Variants in PHF3 observed in about 807,000 individuals in gnomAD.
The protein encoded by PHF3 is PHD finger protein 3.
In PHF3, 41 loss-of-function variants were observed where a neutral mutation model predicts 178.4. That is an observed-to-expected ratio of 0.23 (90% CI 0.18 to 0.30). The LOEUF (loss-of-function observed/expected upper bound fraction) is 0.30. Ranked by LOEUF, PHF3 falls within the 10% of genes least tolerant of loss-of-function variation. The pLI, the probability that PHF3 is intolerant of heterozygous loss-of-function variation, is 1.00. For synonymous variants in PHF3, 842 were observed against 800.5 expected, an observed-to-expected ratio of 1.05 and a Z score of -0.88; for missense variants, 2,346 against 2,398.1, an observed-to-expected ratio of 0.98 and a Z score of 0.45.
chr6:63,702,738 T>TA, intron 10 of PHF3, 99 bp downstream of exon 10: 1 of 1,181,248 alleles, frequency 8.5e-7, no homozygotes, highest in Non-Finnish European at 1.2e-6. Flanking sequence ...AATTTTAAAA[T>TA]ATGCATCCAT....
At chr6:63,649,847 T>C (rs1764948402) in intron 2 of PHF3, among the ~76,000 whole-genome samples, 1 of 152,216 alleles carries the variant, frequency 6.6e-6, no homozygotes, top group Non-Finnish European at 1.5e-5. Flanking sequence ...AAGAGTATTT[T>C]CCCAAGTAAC....
chr6:63,641,843 G>A (rs866971384), intron 1 of PHF3, among the ~76,000 whole-genome samples: 2 of 151,964 alleles, frequency 1.3e-5, no homozygotes, highest in Admixed American at 6.6e-5. Flanking sequence ...GGTCAGGCTG[G>A]TCTCGAACTC....
At position 63,722,149 on chromosome 6, in the gene PHF3, C is replaced by G. The variant is rs762276771; in HGVS notation, c.*8441C>G. On this transcript the variant is annotated 3_prime_UTR_variant, in exon 16 of 16. Coordinates refer to ENST00000262043, the MANE Select transcript of PHF3 (RefSeq NM_001370348.2). ...TTGTCAGGCTAGGTACCTATAAATT[C>G]TCTGCACATTCCTGGCTCCTTTCCT... 1.3e-5 allele frequency among the ~76,000 whole-genome samples: 2 copies of G among 152,108 alleles called. No homozygotes were observed. Among genetic ancestry groups the G allele is most frequent in the African/African-American group, 2.4e-5 (1 of 41,416 alleles).
chr6:63,675,274 G>C (rs1766116228), intron 2 of PHF3, among the ~76,000 whole-genome samples: 1 of 152,130 alleles, frequency 6.6e-6, no homozygotes. Flanking sequence ...ACACAAAAAG[G>C]AAAATTACAA....
At position 63,720,587 on chromosome 6, in the gene PHF3, A is replaced by T; in HGVS notation, c.*6879A>T. The T allele has an allele frequency of 6.9e-7, 1 of 1,450,900 alleles. No homozygotes were observed. Among genetic ancestry groups the T allele is most frequent in the Non-Finnish European group, 9.1e-7 (1 of 1,093,438 alleles). The allele number at this position is 1,450,900 out of a possible 1,614,324, so 89.9% of individuals were successfully genotyped here. ...ATGTATAGTGTGTACTAAAATCTCT[A>T]GTGTTAACTTATGTAACCTCATTTT... On this transcript the variant is annotated 3_prime_UTR_variant, in exon 16 of 16. Coordinates refer to ENST00000262043, the MANE Select transcript of PHF3 (RefSeq NM_001370348.2).
At chr6:63,659,227 A>C (rs1765365659) in intron 2 of PHF3, among the ~76,000 whole-genome samples, 1 of 152,184 alleles carries the variant, frequency 6.6e-6, no homozygotes, top group Non-Finnish European at 1.5e-5. Context: ...ATATATCAAA[A>C]TATGTTGTAC....
chr6:63,640,867 G>A (rs1764542321), intron 1 of PHF3, among the ~76,000 whole-genome samples: 1 of 152,168 alleles, frequency 6.6e-6, no homozygotes, highest in African/African-American at 2.4e-5. Context: ...GTGTGTGTGT[G>A]GGGCTGTCCT....
Position 63,721,779 on chromosome 6 carries a change from G to A in PHF3, c.*8071G>A. The A allele has an allele frequency of 6.5e-7, 1 of 1,543,396 alleles. No homozygotes were observed. On this transcript the variant is annotated 3_prime_UTR_variant, in exon 16 of 16. Transcript: ENST00000262043. ...AAGTTGAACGGAACTATTTACTAAA[G>A]AGATGCATAAAAAATCACCTGCAAG...
intron 4 of PHF3, among the ~76,000 whole-genome samples, chr6:63,686,531 A>G (rs1314554199): frequency 6.6e-6 from 1 of 152,128 alleles, no homozygotes; most frequent in Non-Finnish European, 1.5e-5. Context: ...TCTTTTTAAA[A>G]TTTGAGATGA....
At chr6:63,692,564 A>G (rs1329759285) in intron 5 of PHF3, among the ~76,000 whole-genome samples, 1 of 152,094 alleles carries the variant, frequency 6.6e-6, no homozygotes, top group Non-Finnish European at 1.5e-5. Flanking sequence ...ATTACCTATC[A>G]CTTTTTTAGT....
chr6:63,702,716 A>G (rs1468155594), intron 10 of PHF3, 77 bp downstream of exon 10: 11 of 1,403,906 alleles, frequency 7.8e-6, no homozygotes, highest in Non-Finnish European at 8.8e-6. Flanking sequence ...ATGTTTTTAA[A>G]GTAGAGAAAA....
chr6:63,660,268 C>T (rs1294177169), intron 2 of PHF3, among the ~76,000 whole-genome samples: 1 of 151,740 alleles, frequency 6.6e-6, no homozygotes, highest in Non-Finnish European at 1.5e-5. Context: ...TTGATAAATG[C>T]CAACAGGTAG....
At chr6:63,703,735 A>G in intron 11 of PHF3, 64 bp downstream of exon 11, 1 of 1,461,828 alleles carries the variant, frequency 6.8e-7, no homozygotes, top group Non-Finnish European at 9.3e-7. Flanking sequence ...CTTAGATACT[A>G]GTATATGTAA....
At chr6:63,704,656 C>T (rs936657110) in intron 11 of PHF3, among the ~76,000 whole-genome samples, 3 of 151,844 alleles carry the variant, frequency 2.0e-5, no homozygotes, top group Non-Finnish European at 4.4e-5. Context: ...TGTAGGAGAT[C>T]TTGTTTTATT....
chr6:63,687,662 C>T (rs893146871), intron 4 of PHF3, among the ~76,000 whole-genome samples: 8 of 152,156 alleles, frequency 5.3e-5, no homozygotes, highest in Non-Finnish European at 5.9e-5. Flanking sequence ...TATAATGTAA[C>T]GTACTAACCT....
At chr6:63,683,808 C>T (rs1007526648) in intron 3 of PHF3, among the ~76,000 whole-genome samples, 7 of 152,022 alleles carry the variant, frequency 4.6e-5, no homozygotes, top group African/African-American at 1.7e-4. Context: ...ATTTTACTTA[C>T]GTCACTCCTA....
intron 2 of PHF3, among the ~76,000 whole-genome samples, chr6:63,671,412 AC>A (rs1216385703): frequency 6.6e-6 from 1 of 152,164 alleles, no homozygotes; most frequent in Admixed American, 6.5e-5. Context: ...GGGAAGAAAC[AC>A]GATTACTTTT....
intron 14 of PHF3, among the ~76,000 whole-genome samples, chr6:63,709,762 CT>C (rs539798120): frequency 6.6e-5 from 10 of 152,098 alleles, no homozygotes; most frequent in African/African-American, 9.7e-5. Flanking sequence ...TACATAGCTG[CT>C]AGGGAGGCTG....
At chr6:63,709,284 A>T (rs572812212) in intron 14 of PHF3, 44 bp downstream of exon 14, 1 of 1,262,558 alleles carries the variant, frequency 7.9e-7, no homozygotes, top group African/African-American at 1.5e-5. Context: ...GAAAATGTTT[A>T]GAAAGTAAAC....
Sources: allele counts gnomAD v4.1 joint callset (sites outside exome capture counted in the v4.1 genomes callset), GRCh38; gene constraint gnomAD v4.1.1; transcripts MANE v1.5; gene names NCBI Gene and HGNC (gene_info 2026-07-23, HGNC 2026-07-21).